NDUFAF6: variants seen among roughly 807,000 people sequenced by gnomAD.
NDUFAF6 encodes the protein NADH dehydrogenase (ubiquinone) complex I, assembly factor 6.
In NDUFAF6, 45 loss-of-function variants were observed where a neutral mutation model predicts 40.8. The observed-to-expected ratio is 1.10, with a 90% CI of 0.87 to 1.42. The LOEUF is 1.42. Ranked by LOEUF, NDUFAF6 falls within the 40% of genes most tolerant of loss-of-function variation. The pLI, the probability that NDUFAF6 is intolerant of heterozygous loss-of-function variation, is 0.00. For missense variants in NDUFAF6, 435 were observed against 418.5 expected, an observed-to-expected ratio of 1.04 and a Z score of -0.34; for synonymous variants, 185 against 155.9, an observed-to-expected ratio of 1.19 and a Z score of -1.39.
intron 2 of NDUFAF6, among the ~76,000 whole-genome samples, chr8:95,003,703 CCTT>C (rs1157377398): frequency 1.3e-5 from 2 of 152,182 alleles, no homozygotes; most frequent in East Asian, 1.9e-4. Context: ...TCTCCTTTCT[CCTT>C]CTGCAAACAT....
downstream of NDUFAF6, among the ~76,000 whole-genome samples, chr8:95,076,345 T>C (rs1833016606): frequency 6.6e-6 from 1 of 152,138 alleles, no homozygotes; most frequent in South Asian, 2.1e-4. Flanking sequence ...GCTTCAAGAA[T>C]TGGGCCTGAC....
intron 2 of NDUFAF6, chr8:95,033,940 G>A: frequency 2.2e-6 from 1 of 454,644 alleles, no homozygotes; most frequent in East Asian, 7.0e-5. Context: ...CACTTTGGCT[G>A]AGTGAGATAG....
upstream of NDUFAF6, among the ~76,000 whole-genome samples, chr8:95,097,395 A>G (rs1157835332): frequency 6.6e-6 from 1 of 152,238 alleles, no homozygotes; most frequent in Non-Finnish European, 1.5e-5. Flanking sequence ...GATGTAGAAT[A>G]GTATACATTA....
At chr8:95,001,175 T>G (rs1340546307) in intron 2 of NDUFAF6, among the ~76,000 whole-genome samples, 1 of 152,012 alleles carries the variant, frequency 6.6e-6, no homozygotes. Flanking sequence ...AGGTTGGTCT[T>G]GAACTCCTGA....
At chr8:95,054,834 C>G (rs1831924736) in intron 8 of NDUFAF6, among the ~76,000 whole-genome samples, 1 of 152,206 alleles carries the variant, frequency 6.6e-6, no homozygotes, top group Non-Finnish European at 1.5e-5. Flanking sequence ...CCAGCTTGGA[C>G]AGGGCCTCTT....
intron 1 of NDUFAF6, among the ~76,000 whole-genome samples, chr8:94,979,105 G>A (rs186562144): frequency 1.4e-4 from 22 of 152,290 alleles, no homozygotes; most frequent in African/African-American, 5.1e-4. Context: ...ATTTTAGCAT[G>A]CGGCTAAAAC....
intron 8 of NDUFAF6, 92 bp downstream of exon 8, chr8:95,052,322 T>C (rs1227484953): frequency 5.1e-6 from 7 of 1,362,758 alleles, no homozygotes; most frequent in South Asian, 3.6e-5. Context: ...TGAACTTCTT[T>C]AGTTCGGAGC....
chr8:95,115,986 A>G (rs1810125460), intron 5 of NDUFAF6, among the ~76,000 whole-genome samples: 1 of 152,096 alleles, frequency 6.6e-6, no homozygotes, highest in African/African-American at 2.4e-5. Flanking sequence ...AAAAACACAC[A>G]AATTAGCCGG....
intron 1 of NDUFAF6, among the ~76,000 whole-genome samples, chr8:94,961,376 C>T (rs16893776): frequency 0.51 from 77,020 of 152,110 alleles, 19,918 homozygotes; most frequent in East Asian, 0.72. Context: ...ATTGTTTAAA[C>T]TGGTCCTCAC....
chr8:95,018,029 A>G (rs1351367832), intron 2 of NDUFAF6, among the ~76,000 whole-genome samples: 1 of 152,190 alleles, frequency 6.6e-6, no homozygotes, highest in Non-Finnish European at 1.5e-5. Context: ...AAATTTTAAT[A>G]ATTTGACATG....
At chr8:95,086,928 C>T (rs1809067574) in intron 2 of NDUFAF6, among the ~76,000 whole-genome samples, 1 of 152,118 alleles carries the variant, frequency 6.6e-6, no homozygotes, top group African/African-American at 2.4e-5. Context: ...AGTGCCTTCT[C>T]CCTGTGTGAT....
intron 2 of NDUFAF6, among the ~76,000 whole-genome samples, chr8:94,950,525 T>C (rs1586776033): frequency 6.6e-6 from 1 of 152,334 alleles, no homozygotes; most frequent in East Asian, 1.9e-4. Context: ...AGTCAGTCCA[T>C]TTCCAACAAT....
intron 1 of NDUFAF6, among the ~76,000 whole-genome samples, chr8:94,973,505 G>A (rs1204013704): frequency 6.6e-6 from 1 of 152,076 alleles, no homozygotes; most frequent in African/African-American, 2.4e-5. Flanking sequence ...TCAGGAGATC[G>A]AGACCATCCT....
downstream of NDUFAF6, among the ~76,000 whole-genome samples, chr8:95,105,359 G>T (rs1809807212): frequency 1.3e-5 from 1 of 76,292 alleles, no homozygotes; most frequent in African/African-American, 6.0e-5. Context: ...CCTGAATTTA[G>T]GCGCATTTTT....
At chr8:95,015,436 C>G (rs1018085698) in intron 2 of NDUFAF6, among the ~76,000 whole-genome samples, 4 of 152,160 alleles carry the variant, frequency 2.6e-5, no homozygotes, top group Non-Finnish European at 5.9e-5. Flanking sequence ...AAATTCTAAT[C>G]TACAGTAGAT....
At chr8:94,899,704 C>T (rs964502964) in intron 1 of NDUFAF6, among the ~76,000 whole-genome samples, 1 of 152,190 alleles carries the variant, frequency 6.6e-6, no homozygotes, top group African/African-American at 2.4e-5. Flanking sequence ...CTTTATTTCC[C>T]TCTGCCTTAG....
chr8:95,101,283 T>C (rs1809637784), intron 2 of NDUFAF6: 1 of 152,184 alleles, frequency 6.6e-6, no homozygotes, highest in Non-Finnish European at 1.5e-5. Flanking sequence ...GCTGGGACCA[T>C]CTAATGGGAT....
At chr8:95,070,525 A>G (rs1426967112) in intron 9 of NDUFAF6, among the ~76,000 whole-genome samples, 1 of 152,190 alleles carries the variant, frequency 6.6e-6, no homozygotes, top group Non-Finnish European at 1.5e-5. Context: ...TAAGAAAGTA[A>G]ACACATTTTT....
chr8:95,036,211 C>T, intron 3 of NDUFAF6: 1 of 1,055,688 alleles, frequency 9.5e-7, no homozygotes, highest in Non-Finnish European at 1.2e-6. Context: ...TCATAAGCAG[C>T]CACACATGGC....
Sources: allele counts gnomAD v4.1 joint callset (sites outside exome capture counted in the v4.1 genomes callset), GRCh38; gene constraint gnomAD v4.1.1; transcripts MANE v1.5; gene names NCBI Gene and HGNC (gene_info 2026-07-23, HGNC 2026-07-21).